The following KCNJ6 variants were observed in gnomAD, a reference collection of about 807,000 sequenced individuals.
KCNJ6 encodes the protein potassium inwardly rectifying channel subfamily J member 6, also known as G protein-activated inward rectifier potassium channel 2.
In KCNJ6, 9 loss-of-function variants were observed where a neutral mutation model predicts 34.2. That is an observed-to-expected ratio of 0.26 (90% CI 0.16 to 0.46). The LOEUF is 0.46. KCNJ6 is among the 20% of genes least tolerant of loss of function. The probability of loss-of-function intolerance (pLI) is 1.00; values close to 1 mark genes in which losing one functional copy is unlikely to be tolerated. For synonymous variants in KCNJ6, 196 were observed against 207.1 expected (o/e 0.95, Z 0.46); for missense variants, 236 against 531.3 (o/e 0.44, Z 5.46).
chr21:37,739,523 T>C (rs1367625840), intron 2 of KCNJ6, among the ~76,000 whole-genome samples: 1 of 152,182 alleles, frequency 6.6e-6, no homozygotes, highest in Non-Finnish European at 1.5e-5. Context: ...ATAAGGGGTA[T>C]TGAACACAAC....
intron 2 of KCNJ6, among the ~76,000 whole-genome samples, chr21:37,804,430 A>G (rs1436323490): frequency 1.3e-5 from 2 of 152,122 alleles, no homozygotes; most frequent in Admixed American, 1.3e-4. Flanking sequence ...ATTTTATTTA[A>G]CTTTATTTTA....
chr21:37,702,234 C>CAAAAA lies in KCNJ6; in HGVS notation c.946+11972_946+11976dup, dbSNP rs374421896. Among the ~76,000 whole-genome samples, 33 of 97,560 alleles carry CAAAAA rather than the reference C, an allele frequency of 3.4e-4. 4 individuals carry two copies. Among genetic ancestry groups the CAAAAA allele is most frequent in the Admixed American group, 7.9e-4 (6 of 7,576 alleles). 64.0% of individuals were successfully genotyped at this position (97,560 alleles called of 152,430 possible). On this transcript the variant is annotated intron_variant, in intron 3 of 3. Coordinates refer to ENST00000609713, the MANE Select transcript of KCNJ6 (RefSeq NM_002240.5). ...GATGACAGAGTGAGATTTTGTCTCA[C>CAAAAA]AAAAAAAAAAAAAAAAAAAAGCTCT...
intron 2 of KCNJ6, among the ~76,000 whole-genome samples, chr21:37,792,207 C>A (rs1006146854): frequency 6.6e-6 from 1 of 152,210 alleles, no homozygotes; most frequent in Non-Finnish European, 1.5e-5. Context: ...TCAGCTGCAA[C>A]CCTCCTATCT....
intron 1 of KCNJ6, among the ~76,000 whole-genome samples, chr21:37,858,392 C>CAAAAAAAAAAAAAAAA (rs60814205): frequency 1.8e-5 from 1 of 54,500 alleles, no homozygotes; most frequent in African/African-American, 7.5e-5. Context: ...GACTCCGTCT[C>CAAAAAAAAAAAAAAAA]AAAAAAAAAA....
intron 1 of KCNJ6, among the ~76,000 whole-genome samples, chr21:37,895,061 T>C (rs1481507961): frequency 6.6e-6 from 1 of 152,208 alleles, no homozygotes; most frequent in African/African-American, 2.4e-5. Flanking sequence ...ATGCAAGTCA[T>C]TGTGCCCAGC....
At chr21:37,634,754 A>G (rs969094247) in intron 3 of KCNJ6, among the ~76,000 whole-genome samples, 22 of 126,904 alleles carry the variant, frequency 1.7e-4, no homozygotes, top group African/African-American at 6.8e-4. Flanking sequence ...AGGAATACAT[A>G]CAAATCATTT....
intron 1 of KCNJ6, among the ~76,000 whole-genome samples, chr21:37,898,487 CAGA>C (rs1260366840): frequency 6.7e-6 from 1 of 149,634 alleles, no homozygotes; most frequent in East Asian, 2.0e-4. Context: ...GAGGCTGAGG[CAGA>C]AGAATAGCTA....
At chr21:37,644,009 T>C (rs2123379954) in intron 3 of KCNJ6, among the ~76,000 whole-genome samples, 1 of 152,186 alleles carries the variant, frequency 6.6e-6, no homozygotes, top group African/African-American at 2.4e-5. Flanking sequence ...ATAAAGAAAA[T>C]GTGGTACATA....
intron 1 of KCNJ6, among the ~76,000 whole-genome samples, chr21:37,846,553 G>C (rs1449594588): frequency 6.6e-6 from 1 of 152,080 alleles, no homozygotes; most frequent in African/African-American, 2.4e-5. Context: ...ATTTTCGGTG[G>C]TGCTGCCTTG....
chr21:37,889,628 G>A (rs1051230186), intron 1 of KCNJ6, among the ~76,000 whole-genome samples: 1 of 152,116 alleles, frequency 6.6e-6, no homozygotes, highest in African/African-American at 2.4e-5. Context: ...CCAAATCAAG[G>A]TGTCTGCAGG....
chr21:37,680,416 C>T (rs1006896341), intron 3 of KCNJ6, among the ~76,000 whole-genome samples: 1 of 152,166 alleles, frequency 6.6e-6, no homozygotes, highest in Non-Finnish European at 1.5e-5. Context: ...TGGCTGCTGT[C>T]AAATTCCTGG....
At chr21:37,676,511 G>A (rs1419092725) in intron 3 of KCNJ6, among the ~76,000 whole-genome samples, 1 of 152,242 alleles carries the variant, frequency 6.6e-6, no homozygotes, top group Non-Finnish European at 1.5e-5. Flanking sequence ...GAGGCCTGTG[G>A]GTGGGCGTAT....
At chr21:37,778,689 C>CTGTGTGTG (rs1488097849) in intron 2 of KCNJ6, among the ~76,000 whole-genome samples, 66 of 130,830 alleles carry the variant, frequency 5.0e-4, no homozygotes, top group African/African-American at 1.9e-3. Flanking sequence ...TATCCGTGTG[C>CTGTGTGTG]TGTGTGCGTG....
intron 3 of KCNJ6, among the ~76,000 whole-genome samples, chr21:37,655,219 GTGTGTGAGAGAGAGAGA>G (rs2054455404): frequency 2.2e-5 from 2 of 91,612 alleles, no homozygotes; most frequent in African/African-American, 7.5e-5. Context: ...GTGTGTGTGT[GTGTGTGAGAGAGAGAGA>G]GAGAGAGAGA....
chr21:37,824,238 C>T (rs2055388199), intron 2 of KCNJ6, among the ~76,000 whole-genome samples: 2 of 152,128 alleles, frequency 1.3e-5, no homozygotes, highest in African/African-American at 4.8e-5. Context: ...CACCAGAATT[C>T]CTATAGGCCA....
In KCNJ6 at chr21:37,609,650, C is replaced by T. The variant is rs183714908; in HGVS notation, c.*15509G>A. On this transcript the variant is annotated 3_prime_UTR_variant, in exon 4 of 4. Transcript: ENST00000609713. ...TAACTAAAATAAAGCAGTAGTGCTA[C>T]GGTTAAAATAAATCAGCTTAATTAA... 3.5e-4 allele frequency: 54 copies of T among 152,250 alleles called. No homozygotes were observed. The highest frequency in any genetic ancestry group is 6.5e-4 in the African/African-American group (27 of 41,546). 9.4% of individuals were successfully genotyped at this position (152,250 alleles called of 1,614,324 possible). A position where few individuals can be genotyped will look rare whatever the true frequency, so the allele number is the denominator to read the frequency against.
At chr21:37,717,657 G>A (rs1003413201) in intron 2 of KCNJ6, among the ~76,000 whole-genome samples, 1 of 152,248 alleles carries the variant, frequency 6.6e-6, no homozygotes, top group African/African-American at 2.4e-5. Flanking sequence ...AACTGTGCCT[G>A]GCTGGGGAGA....
At chr21:37,700,608 C>G (rs2054685588) in intron 3 of KCNJ6, among the ~76,000 whole-genome samples, 1 of 152,090 alleles carries the variant, frequency 6.6e-6, no homozygotes, top group Non-Finnish European at 1.5e-5. Flanking sequence ...CAGTATGGAG[C>G]ATGGTAATGG....
At chr21:37,796,854 C>A (rs1346841559) in intron 2 of KCNJ6, among the ~76,000 whole-genome samples, 3 of 126,374 alleles carry the variant, frequency 2.4e-5, no homozygotes, top group African/African-American at 9.3e-5. Context: ...ACTGCAGTGG[C>A]GCAACCTCGG....
Sources: gnomAD v4.1 joint callset for allele counts (sites outside exome capture counted in the v4.1 genomes callset) on GRCh38, gnomAD v4.1.1 for gene constraint, MANE v1.5 for transcripts, NCBI Gene and HGNC (gene_info 2026-07-23, HGNC 2026-07-21) for gene names.